Variants in DMC1 observed in about 807,000 individuals in gnomAD.
The protein encoded by DMC1 is DNA meiotic recombinase 1.
A neutral mutation model predicts 50.1 loss-of-function variants in DMC1; 27 were observed. The observed-to-expected ratio is 0.54, with a 90% confidence interval of 0.40 to 0.74. DMC1 has a LOEUF of 0.74. Ranked by LOEUF, DMC1 falls within the 30% of genes least tolerant of loss-of-function variation. The probability of loss-of-function intolerance (pLI) is 0.00; values close to 1 mark genes in which losing one functional copy is unlikely to be tolerated. For synonymous variants in DMC1, 148 were observed against 136.1 expected, an observed-to-expected ratio of 1.09 and a Z score of -0.61; for missense variants, 295 against 420.2, an observed-to-expected ratio of 0.70 and a Z score of 2.60.
At chr22:38,521,482 T>G in intron 13 of DMC1, 126 bp downstream of exon 13, 1 of 659,100 alleles carries the variant, frequency 1.5e-6, no homozygotes, top group Non-Finnish European at 2.7e-6. Context: ...GGTGGGAGGA[T>G]TGCTTGAGCC....
chr22:38,568,819 C>T (rs2090608024), intron 1 of DMC1, among the ~76,000 whole-genome samples: 1 of 152,156 alleles, frequency 6.6e-6, no homozygotes, highest in Non-Finnish European at 1.5e-5. Flanking sequence ...ACTCCTGTAA[C>T]ATCCACCTTT....
intron 2 of DMC1, 43 bp from the exon 3 acceptor site, chr22:38,567,670 T>A: frequency 7.1e-7 from 1 of 1,417,454 alleles, no homozygotes; most frequent in Non-Finnish European, 1.0e-6. Flanking sequence ...TGATTCTTCA[T>A]ATCCAGCTAT....
At chr22:38,529,745 G>A (rs1218485793) in intron 12 of DMC1, among the ~76,000 whole-genome samples, 1 of 152,138 alleles carries the variant, frequency 6.6e-6, no homozygotes, top group African/African-American at 2.4e-5. Context: ...TTGGGCAAAC[G>A]CTAAGTATTC....
chr22:38,516,507 C>T (rs1427482123), downstream of DMC1, among the ~76,000 whole-genome samples: 1 of 152,176 alleles, frequency 6.6e-6, no homozygotes, highest in Non-Finnish European at 1.5e-5. Flanking sequence ...CTCCAGGGCT[C>T]CTCATACCAG....
chr22:38,548,493 T>C (rs1287382737), intron 8 of DMC1, among the ~76,000 whole-genome samples: 2 of 152,170 alleles, frequency 1.3e-5, no homozygotes, highest in African/African-American at 4.8e-5. Flanking sequence ...GAGGATCACT[T>C]GACCCTGGGA....
At chr22:38,541,605 G>C (rs2090281659) in intron 8 of DMC1, among the ~76,000 whole-genome samples, 1 of 152,198 alleles carries the variant, frequency 6.6e-6, no homozygotes, top group Non-Finnish European at 1.5e-5. Context: ...ATATAGCTGA[G>C]AAGGTATATA....
At chr22:38,535,927 T>TA (rs945345017) in intron 12 of DMC1, among the ~76,000 whole-genome samples, 1 of 151,510 alleles carries the variant, frequency 6.6e-6, no homozygotes, top group African/African-American at 2.4e-5. Context: ...AAGATTTTTT[T>TA]AAAAGCTTTT....
At chr22:38,515,254 G>A, downstream of DMC1, among the ~76,000 whole-genome samples, 1 of 149,714 alleles carries the variant, frequency 6.7e-6, no homozygotes, top group East Asian at 2.1e-4. Context: ...GAGGCAGGTG[G>A]ATCACCTGAG....
At chr22:38,544,230 C>A (rs931097595) in intron 8 of DMC1, among the ~76,000 whole-genome samples, 1 of 152,106 alleles carries the variant, frequency 6.6e-6, no homozygotes, top group Non-Finnish European at 1.5e-5. Flanking sequence ...ATATCTTGGG[C>A]CTCCAAAATC....
Position 38,519,907 on chromosome 22 carries a change from C to A in DMC1, c.*113G>T, listed in dbSNP as rs1455047539. ...GATTTAAATCTCTTTGCTGACTTTT[C>A]TTTAGTAACATGTGGGAAAAAACCT... On this transcript the variant is annotated 3_prime_UTR_variant, in exon 14 of 14. Coordinates refer to ENST00000216024, the MANE Select transcript of DMC1 (RefSeq NM_007068.4). The A allele has an allele frequency of 1.2e-6, 1 of 830,860 alleles. No homozygotes were observed. The highest frequency in any genetic ancestry group is 1.7e-5 in the African/African-American group (1 of 59,646). 51.5% of individuals were successfully genotyped at this position (830,860 alleles called of 1,614,324 possible). A position where few individuals can be genotyped will look rare whatever the true frequency, so the allele number is the denominator to read the frequency against.
intron 4 of DMC1, among the ~76,000 whole-genome samples, chr22:38,564,954 T>A (rs1423824472): frequency 6.6e-6 from 1 of 152,096 alleles, no homozygotes; most frequent in African/African-American, 2.4e-5. Flanking sequence ...CTTGCATCAC[T>A]CTCCTGCCTT....
chr22:38,559,321 G>A (rs1002326643), intron 5 of DMC1, among the ~76,000 whole-genome samples: 2 of 152,126 alleles, frequency 1.3e-5, no homozygotes, highest in Non-Finnish European at 2.9e-5. Context: ...GTGAGCCACC[G>A]TGCCCAGCCA....
At chr22:38,511,061 G>GAGTT in the DMC1 span, among the ~76,000 whole-genome samples, 1 of 152,002 alleles carries the variant, frequency 6.6e-6, no homozygotes, top group African/African-American at 2.4e-5. Flanking sequence ...TTGAGCCCAG[G>GAGTT]CATTTGAGGT....
chr22:38,521,684 G>C lies in DMC1; in HGVS notation c.877C>G (p.Leu293Val). The C allele has an allele frequency of 6.2e-7, 1 of 1,613,994 alleles. No individual in the cohort carries two copies. Among genetic ancestry groups the C allele is most frequent in the South Asian group, 1.1e-5 (1 of 91,076 alleles). Residue 293 changes from leucine to valine, a missense_variant, in exon 13 of 14, where the codon CTG (leucine) becomes GTG (valine). By Grantham distance (32) the Leu-to-Val change is conservative. Coordinates refer to ENST00000216024, the MANE Select transcript of DMC1 (RefSeq NM_007068.4). ...ATTCTTGTTGTTGAAGCATGAGCCA[G>C]AATGTGTCCCCCAATGGGTTTTTTG... Reference protein sequence around the residue: ...DPKKPIGGHILAHASTTRISL... With the variant: ...DPKKPIGGHIVAHASTTRISL...
chr22:38,510,001 C>T, the DMC1 span, among the ~76,000 whole-genome samples: 1 of 152,012 alleles, frequency 6.6e-6, no homozygotes, highest in African/African-American at 2.4e-5. Flanking sequence ...ATAAATAGGC[C>T]GGGCCTAATA....
intron 5 of DMC1, among the ~76,000 whole-genome samples, chr22:38,561,972 G>A (rs754637152): frequency 6.6e-6 from 1 of 152,216 alleles, no homozygotes; most frequent in East Asian, 1.9e-4. Flanking sequence ...CCCAAAATGT[G>A]CAATGAAACA....
intron 4 of DMC1, 47 bp from the exon 5 acceptor site, chr22:38,562,416 G>T: frequency 7.3e-7 from 1 of 1,361,892 alleles, no homozygotes; most frequent in Non-Finnish European, 1.0e-6. Context: ...TAAAGATCAT[G>T]GTTGTATTTT....
chr22:38,524,397 C>A (rs902440698), intron 12 of DMC1, among the ~76,000 whole-genome samples: 1 of 151,936 alleles, frequency 6.6e-6, no homozygotes, highest in Non-Finnish European at 1.5e-5. Flanking sequence ...GCCCAGGCGA[C>A]AGAGCGAGAT....
intron 5 of DMC1, among the ~76,000 whole-genome samples, chr22:38,558,143 G>T (rs1355095526): frequency 6.6e-6 from 1 of 150,872 alleles, no homozygotes; most frequent in African/African-American, 2.4e-5. Context: ...TGTATTTTTA[G>T]TAGAGACAGG....
Sources: gnomAD v4.1 joint callset for allele counts (sites outside exome capture counted in the v4.1 genomes callset) on GRCh38, gnomAD v4.1.1 for gene constraint, MANE v1.5 for transcripts, NCBI Gene and HGNC (gene_info 2026-07-23, HGNC 2026-07-21) for gene names.